The following EBF2 variants were observed in gnomAD, a reference collection of about 807,000 sequenced individuals.
The protein encoded by EBF2 is transcription factor COE2.
A neutral mutation model predicts 72.8 loss-of-function variants in EBF2; 21 were observed. The ratio of observed to expected loss-of-function variants is 0.29; its 90% confidence interval spans 0.20 to 0.42. The LOEUF is 0.42. EBF2 is among the 10% of genes least tolerant of loss of function. The pLI is 1.00. For missense variants in EBF2, 637 were observed against 731.2 expected (o/e 0.87, Z 1.49); for synonymous variants, 299 against 274.2 (o/e 1.09, Z -0.89).
chr8:25,863,771 G>C (rs897108858), intron 10 of EBF2, among the ~76,000 whole-genome samples: 1 of 151,938 alleles, frequency 6.6e-6, no homozygotes, highest in Non-Finnish European at 1.5e-5. Flanking sequence ...AAATATAGAA[G>C]TAAAAAATTA....
intron 6 of EBF2, among the ~76,000 whole-genome samples, chr8:25,979,817 G>A (rs1038209804): frequency 2.0e-5 from 3 of 152,028 alleles, no homozygotes; most frequent in Non-Finnish European, 4.4e-5. Context: ...TCCCAGTACA[G>A]ATAAAGGGCA....
rs115284767 is a variant in EBF2 at position 25,858,544 on chromosome 8, T to G, written c.1343-40A>C. 1.7e-3 allele frequency: 2,707 copies of G among 1,589,316 alleles called. 49 individuals carry two copies. The African/African-American group carries it at 0.032, about 19-fold the overall frequency. ...AAAAGCCCAGGTAAATCAACAGGCG[T>G]GCACAGTCAGGCCACATGTGGCTAG... On this transcript the variant is annotated intron_variant, in intron 13 of 15. Transcript: ENST00000520164.
intron 6 of EBF2, among the ~76,000 whole-genome samples, chr8:25,991,715 G>A (rs973771373): frequency 5.9e-5 from 9 of 151,940 alleles, no homozygotes; most frequent in Non-Finnish European, 8.8e-5. Flanking sequence ...GCATGGTGGC[G>A]GGCACCTGTA....
At chr8:26,025,464 T>A (rs1243462504) in intron 6 of EBF2, among the ~76,000 whole-genome samples, 2 of 152,080 alleles carry the variant, frequency 1.3e-5, no homozygotes, top group Non-Finnish European at 2.9e-5. Flanking sequence ...TATACACGAC[T>A]AAGGATTTGA....
chr8:25,959,089 G>C (rs994698475), intron 6 of EBF2, among the ~76,000 whole-genome samples: 1 of 152,186 alleles, frequency 6.6e-6, no homozygotes, highest in Non-Finnish European at 1.5e-5. Flanking sequence ...TCGTAAAGTG[G>C]AGGAATGGCC....
At chr8:26,040,845 T>G (rs572823168) in intron 3 of EBF2, 94 bp downstream of exon 3, 22 of 1,566,052 alleles carry the variant, frequency 1.4e-5, no homozygotes, top group Non-Finnish European at 1.9e-5. Context: ...CTGGGCTCCA[T>G]GCGATCCCTG....
chr8:26,013,643 T>C (rs1805062660), intron 6 of EBF2, among the ~76,000 whole-genome samples: 1 of 151,962 alleles, frequency 6.6e-6, no homozygotes, highest in Admixed American at 6.6e-5. Flanking sequence ...CAATGTGGAT[T>C]TCCTGGCTTT....
intron 6 of EBF2, among the ~76,000 whole-genome samples, chr8:25,923,237 A>G (rs897922522): frequency 1.3e-5 from 2 of 152,108 alleles, no homozygotes; most frequent in Non-Finnish European, 2.9e-5. Context: ...CAGGATAACC[A>G]CTCCCAGAAA....
intron 10 of EBF2, among the ~76,000 whole-genome samples, chr8:25,866,567 A>C (rs1299670676): frequency 4.4e-5 from 6 of 136,564 alleles, no homozygotes; most frequent in Non-Finnish European, 6.2e-5. Context: ...TGTATTATAT[A>C]ATTTATATAT....
intron 6 of EBF2, among the ~76,000 whole-genome samples, chr8:25,918,112 C>T (rs10107934): frequency 0.098 from 14,918 of 152,188 alleles, 907 homozygotes; most frequent in African/African-American, 0.17. Context: ...GGCAGAATGA[C>T]GCATCATGCA....
At position 26,040,921 on chromosome 8, in the gene EBF2, T is replaced by C. The variant is rs897271796; in HGVS notation, c.352+18A>G. On this transcript the variant is annotated intron_variant, in intron 3 of 15. Coordinates refer to ENST00000520164, the MANE Select transcript of EBF2 (RefSeq NM_022659.4). Reference sequence around the variant, plus strand: ...CGGCTGCTAGGCGCCGGCTCACCGTTGCTGTAGAAGAGCTCACCGTTGCTG... The same window carrying C: ...CGGCTGCTAGGCGCCGGCTCACCGTCGCTGTAGAAGAGCTCACCGTTGCTG... 1.6e-5 allele frequency: 26 copies of C among 1,613,842 alleles called. No homozygotes were observed. Among genetic ancestry groups the C allele is most frequent in the Non-Finnish European group, 2.2e-5 (26 of 1,179,900 alleles).
At chr8:25,983,883 C>T (rs1355954961) in intron 6 of EBF2, among the ~76,000 whole-genome samples, 3 of 152,230 alleles carry the variant, frequency 2.0e-5, no homozygotes, top group Non-Finnish European at 4.4e-5. Context: ...TATCCTTCCA[C>T]GTCAGTGGGG....
At chr8:25,911,237 T>C (rs376459006) in intron 6 of EBF2, among the ~76,000 whole-genome samples, 3 of 152,290 alleles carry the variant, frequency 2.0e-5, no homozygotes, top group South Asian at 4.1e-4. Context: ...CCAGATAAAT[T>C]ATGAGATTCA....
intron 6 of EBF2, among the ~76,000 whole-genome samples, chr8:25,935,632 A>G (rs1803566604): frequency 6.6e-6 from 1 of 152,158 alleles, no homozygotes; most frequent in Admixed American, 6.5e-5. Flanking sequence ...ACCCGGCCCT[A>G]TCAGGAGTGT....
At chr8:26,034,674 G>GTACA (rs1324641859) in intron 5 of EBF2, among the ~76,000 whole-genome samples, 1 of 152,166 alleles carries the variant, frequency 6.6e-6, no homozygotes, top group African/African-American at 2.4e-5. Flanking sequence ...CTCATCTCAG[G>GTACA]TACATGGTCC....
intron 2 of EBF2, 147 bp from the exon 3 acceptor site, chr8:26,041,149 CA>C: frequency 4.5e-6 from 4 of 879,588 alleles, no homozygotes; most frequent in Non-Finnish European, 7.1e-6. Flanking sequence ...GGTCAAAGGG[CA>C]TGAGCATCTG....
intron 6 of EBF2, among the ~76,000 whole-genome samples, chr8:25,931,597 T>C (rs1803481496): frequency 6.6e-6 from 1 of 152,268 alleles, no homozygotes; most frequent in Non-Finnish European, 1.5e-5. Flanking sequence ...TTTGTCCAGC[T>C]ACATTCCTTC....
intron 10 of EBF2, among the ~76,000 whole-genome samples, chr8:25,874,059 G>A (rs1360761820): frequency 2.0e-5 from 3 of 152,154 alleles, no homozygotes; most frequent in Non-Finnish European, 2.9e-5. Flanking sequence ...TCTCCAGTTT[G>A]AACAAGGAAT....
chr8:25,961,670 G>A (rs1804037624), intron 6 of EBF2, among the ~76,000 whole-genome samples: 1 of 152,108 alleles, frequency 6.6e-6, no homozygotes, highest in Admixed American at 6.6e-5. Flanking sequence ...CCTAATGTGA[G>A]GTGTTAAGAA....
Sources: gnomAD v4.1 joint callset for allele counts (sites outside exome capture counted in the v4.1 genomes callset) on GRCh38, gnomAD v4.1.1 for gene constraint, MANE v1.5 for transcripts, NCBI Gene and HGNC (gene_info 2026-07-23, HGNC 2026-07-21) for gene names.